Variants in PCMTD1 observed in about 807,000 individuals in gnomAD.
PCMTD1 encodes protein-L-isoaspartate O-methyltransferase domain-containing protein 1.
PCMTD1 carries 12 observed loss-of-function variants against 37.6 expected under a neutral mutation model. The ratio of observed to expected loss-of-function variants is 0.32; its 90% CI spans 0.20 to 0.52. The LOEUF is 0.52. PCMTD1 is among the 20% of genes least tolerant of loss of function. The probability of loss-of-function intolerance (pLI) is 0.97; values close to 1 mark genes in which losing one functional copy is unlikely to be tolerated. For synonymous variants in PCMTD1, 117 were observed against 135.8 expected (o/e 0.86, Z 0.96); for missense variants, 235 against 421.3 (o/e 0.56, Z 3.87).
intron 2 of PCMTD1, among the ~76,000 whole-genome samples, chr8:51,846,878 G>A (rs1052276822): frequency 1.3e-5 from 2 of 152,050 alleles, no homozygotes; most frequent in African/African-American, 4.8e-5. Flanking sequence ...AATCCAATAA[G>A]GATAATGCCT....
At chr8:51,893,452 A>G (rs774647723) in intron 1 of PCMTD1, among the ~76,000 whole-genome samples, 20 of 152,318 alleles carry the variant, frequency 1.3e-4, no homozygotes, top group African/African-American at 7.2e-5. Flanking sequence ...GAGCTTCCTG[A>G]TATCACCAAA....
At chr8:51,860,085 A>C (rs1449924840) in intron 2 of PCMTD1, among the ~76,000 whole-genome samples, 5 of 152,166 alleles carry the variant, frequency 3.3e-5, no homozygotes, top group Non-Finnish European at 5.9e-5. Context: ...TTCCACCTAT[A>C]TTCCATGTTA....
intron 1 of PCMTD1, among the ~76,000 whole-genome samples, chr8:51,887,115 C>T (rs1001710092): frequency 2.0e-5 from 3 of 152,160 alleles, no homozygotes; most frequent in African/African-American, 7.2e-5. Flanking sequence ...CTGGGCTTAT[C>T]GGGATAATCC....
chr8:51,819,986 G>C lies in PCMTD1; in HGVS notation c.*365C>G, dbSNP rs1365901624. ...ATGCAAACAACTGCAATTCAGATCA[G>C]GTTATATAAGCTTAACAATTATTTA... On this transcript the variant is annotated 3_prime_UTR_variant, in exon 6 of 6. Coordinates refer to ENST00000522514, the MANE Select transcript of PCMTD1 (RefSeq NM_052937.4). The C allele has an allele frequency of 6.4e-6, 1 of 156,632 alleles. No individual in the cohort carries two copies. The highest frequency in any genetic ancestry group is 1.4e-5 in the Non-Finnish European group (1 of 71,142). The allele number at this position is 156,632 out of a possible 1,614,324, so 9.7% of individuals were successfully genotyped here. A position where few individuals can be genotyped will look rare whatever the true frequency, so the allele number is the denominator to read the frequency against.
In PCMTD1 at chr8:51,849,999, G is replaced by A. The variant is rs1270577964; in HGVS notation, c.308-4236C>T. 27 of 695,136 alleles carry A rather than the reference G, an allele frequency of 3.9e-5. No individual in the cohort carries two copies. In the Admixed American group the frequency reaches 5.6e-4, roughly 14 times the overall value. The allele number at this position is 695,136 out of a possible 1,614,324, so 43.1% of individuals were successfully genotyped here. ...AGCTAACTTACAGAACATAGCCACAGGCAAAAAGTACTTCACAATACATAA... is the reference window on the plus strand; with the variant it reads ...AGCTAACTTACAGAACATAGCCACAAGCAAAAAGTACTTCACAATACATAA... On this transcript the variant is annotated intron_variant, in intron 2 of 5. Transcript: ENST00000522514.
rs1563369611 is a variant in PCMTD1 at position 51,898,942 on chromosome 8, C to A, written c.-108G>T. Reference sequence around the variant, plus strand: ...GCGGCGGCGTTACCTGTGGCGCGGGCAGCGGCGCGCAGGCCAGGCGCTAGG... The same window carrying A: ...GCGGCGGCGTTACCTGTGGCGCGGGAAGCGGCGCGCAGGCCAGGCGCTAGG... On this transcript the variant is annotated 5_prime_UTR_variant, in exon 1 of 6. Coordinates refer to ENST00000522514, the MANE Select transcript of PCMTD1 (RefSeq NM_052937.4). The A allele has an allele frequency of 1.4e-6, 2 of 1,405,896 alleles. No individual in the cohort carries two copies. Among genetic ancestry groups the A allele is most frequent in the Non-Finnish European group, 1.9e-6 (2 of 1,081,060 alleles). The allele number at this position is 1,405,896 out of a possible 1,614,324, so 87.1% of individuals were successfully genotyped here.
Position 51,825,551 on chromosome 8 carries a change from G to A in PCMTD1, c.707-4833C>T, listed in dbSNP as rs560776983. Among the ~76,000 whole-genome samples, 398 of 57,524 alleles carry A rather than the reference G, an allele frequency of 6.9e-3. 60 individuals are homozygous for A. The highest frequency in any genetic ancestry group is 0.011 in the African/African-American group (371 of 35,058). The allele number at this position is 57,524 out of a possible 152,430, so 37.7% of individuals were successfully genotyped here. Reference sequence around the variant, plus strand: ...CTACTAAAAATACAAAAAATTAGCCGGGCGCGGTGGCGGGCGCCTGTAGTC... The same window carrying A: ...CTACTAAAAATACAAAAAATTAGCCAGGCGCGGTGGCGGGCGCCTGTAGTC... On this transcript the variant is annotated intron_variant, in intron 5 of 5. Coordinates refer to ENST00000522514, the MANE Select transcript of PCMTD1 (RefSeq NM_052937.4).
intron 1 of PCMTD1, among the ~76,000 whole-genome samples, chr8:51,867,476 G>GGGGTGT: frequency 7.1e-6 from 1 of 141,590 alleles, no homozygotes; most frequent in African/African-American, 2.7e-5. Flanking sequence ...TAAAGAAAAT[G>GGGGTGT]GTGTGTGTGT....
chr8:51,882,995 G>C (rs1207398515), intron 1 of PCMTD1, among the ~76,000 whole-genome samples: 1 of 148,344 alleles, frequency 6.7e-6, no homozygotes, highest in Non-Finnish European at 1.5e-5. Context: ...AAATTAGCCA[G>C]GCGTGGTGGT....
intron 3 of PCMTD1, 50 bp from the exon 4 acceptor site, chr8:51,833,739 T>A: frequency 6.6e-7 from 1 of 1,507,152 alleles, no homozygotes; most frequent in Non-Finnish European, 9.0e-7. Flanking sequence ...ACATTAGATC[T>A]AAAAAATTTA....
chr8:51,823,650 T>G (rs2037879681), intron 5 of PCMTD1, among the ~76,000 whole-genome samples: 1 of 152,078 alleles, frequency 6.6e-6, no homozygotes. Context: ...AAAACTTATT[T>G]TAAATTTAAA....
chr8:51,885,012 A>C (rs1021955583), intron 1 of PCMTD1, among the ~76,000 whole-genome samples: 1 of 152,148 alleles, frequency 6.6e-6, no homozygotes, highest in Non-Finnish European at 1.5e-5. Context: ...CCTTTACACT[A>C]AACATTCTCT....
intron 5 of PCMTD1, among the ~76,000 whole-genome samples, chr8:51,822,063 A>G (rs528913334): frequency 4.0e-4 from 61 of 152,256 alleles, no homozygotes; most frequent in African/African-American, 1.4e-3. Context: ...GTGGTCATAA[A>G]GGTCTCCCTG....
At chr8:51,839,065 A>C (rs2038108640) in intron 3 of PCMTD1, among the ~76,000 whole-genome samples, 1 of 150,372 alleles carries the variant, frequency 6.7e-6, no homozygotes, top group African/African-American at 2.4e-5. Flanking sequence ...TTTGTAAGTA[A>C]AATAAAAAGT....
intron 1 of PCMTD1, among the ~76,000 whole-genome samples, chr8:51,872,093 T>C (rs62499409): frequency 0.021 from 3,180 of 152,292 alleles, 38 homozygotes; most frequent in Non-Finnish European, 0.03. Context: ...GCGTATAATA[T>C]TTGAAGTGAT....
At chr8:51,899,150 A>C (rs1429246720), upstream of PCMTD1, 1 of 1,348,970 alleles carries the variant, frequency 7.4e-7, no homozygotes, top group Non-Finnish European at 9.5e-7. Context: ...CTCCCCGCGG[A>C]CGCCAAAGTC....
chr8:51,861,182 A>C lies in PCMTD1; in HGVS notation c.-31T>G, dbSNP rs572935453. On this transcript the variant is annotated 5_prime_UTR_variant, in exon 2 of 6. Coordinates refer to ENST00000522514, the MANE Select transcript of PCMTD1 (RefSeq NM_052937.4). ...TATTCAAATCAAATCATAAATTTAA[A>C]AGTGAAATAAAATTAGTAGAAATGG... 3.2e-4 allele frequency: 499 copies of C among 1,545,072 alleles called. 7 individuals are homozygous for C. In the South Asian group the frequency reaches 6.1e-3, roughly 19 times the overall value.
chr8:51,850,705 G>T (rs2038292336), intron 2 of PCMTD1, among the ~76,000 whole-genome samples: 1 of 152,112 alleles, frequency 6.6e-6, no homozygotes, highest in Non-Finnish European at 1.5e-5. Context: ...GGAGTAGGTG[G>T]ATCAGTCATT....
chr8:51,844,225 C>T (rs140997025), intron 3 of PCMTD1, among the ~76,000 whole-genome samples: 4 of 152,124 alleles, frequency 2.6e-5, no homozygotes, highest in East Asian at 1.9e-4. Flanking sequence ...TTCTGCCAAA[C>T]GTGCTTTTCT....
Sources: gnomAD v4.1 joint callset for allele counts (sites outside exome capture counted in the v4.1 genomes callset) on GRCh38, gnomAD v4.1.1 for gene constraint, MANE v1.5 for transcripts, NCBI Gene and HGNC (gene_info 2026-07-23, HGNC 2026-07-21) for gene names.